ASTN2: variants seen among roughly 807,000 people sequenced by gnomAD.
The protein encoded by ASTN2 is astrotactin-2.
Under a neutral mutation model 139.8 loss-of-function variants are expected in ASTN2, and 54 were observed. The observed-to-expected ratio is 0.39, with a 90% CI of 0.31 to 0.48. The LOEUF (loss-of-function observed/expected upper bound fraction) is 0.48. ASTN2 is among the 20% of genes least tolerant of loss of function. ASTN2 has a pLI of 0.95. For synonymous variants in ASTN2, 756 were observed against 719.5 expected (o/e 1.05, Z -0.81); for missense variants, 1,565 against 1,725.1 (o/e 0.91, Z 1.64).
At chr9:116,478,103 G>C (rs1849047202) in intron 20 of ASTN2, among the ~76,000 whole-genome samples, 1 of 146,824 alleles carries the variant, frequency 6.8e-6, no homozygotes, top group Admixed American at 6.8e-5. Context: ...CAGGAAGAAA[G>C]AGAGGGAGGG....
intron 1 of ASTN2, among the ~76,000 whole-genome samples, chr9:117,364,524 T>C (rs909789002): frequency 1.3e-5 from 2 of 152,144 alleles, no homozygotes; most frequent in African/African-American, 4.8e-5. Context: ...TACTTAGTTT[T>C]CCAAAATGCA....
At chr9:116,856,930 G>A (rs1308232104) in intron 11 of ASTN2, among the ~76,000 whole-genome samples, 1 of 152,198 alleles carries the variant, frequency 6.6e-6, no homozygotes. Flanking sequence ...GACCCAGCGA[G>A]TATGCAAATC....
chr9:117,328,007 T>C (rs970101942), intron 1 of ASTN2, among the ~76,000 whole-genome samples: 1 of 152,150 alleles, frequency 6.6e-6, no homozygotes, highest in East Asian at 1.9e-4. Context: ...AGGACCGAGC[T>C]TGGGAAATTT....
intron 1 of ASTN2, 59 bp from the exon 2 acceptor site, chr9:117,291,572 G>A: frequency 6.7e-7 from 1 of 1,481,896 alleles, no homozygotes; most frequent in Non-Finnish European, 9.1e-7. Context: ...GTGCTCCAGG[G>A]AGGAAAAGAG....
intron 1 of ASTN2, among the ~76,000 whole-genome samples, chr9:117,299,408 A>G (rs1051148670): frequency 6.6e-6 from 1 of 152,204 alleles, no homozygotes; most frequent in Admixed American, 6.5e-5. Context: ...AGCAAAGTAG[A>G]AAGCTTAGAG....
chr9:116,472,180 C>T (rs1848833723), intron 20 of ASTN2, among the ~76,000 whole-genome samples: 1 of 152,184 alleles, frequency 6.6e-6, no homozygotes, highest in African/African-American at 2.4e-5. Flanking sequence ...CTTGCAAGTC[C>T]TGCCTCTCCA....
At chr9:117,308,213 AAATC>A (rs112764473) in intron 1 of ASTN2, among the ~76,000 whole-genome samples, 4,901 of 150,334 alleles carry the variant, frequency 0.033, 177 homozygotes, top group African/African-American at 0.089. Flanking sequence ...TGCTGGGGCA[AAATC>A]AATCAATCAA....
chr9:116,448,864 G>A (rs1164765772), intron 20 of ASTN2, among the ~76,000 whole-genome samples: 3 of 152,132 alleles, frequency 2.0e-5, no homozygotes, highest in African/African-American at 7.2e-5. Flanking sequence ...AATAGTGTTC[G>A]TGATGGATTT....
intron 16 of ASTN2, among the ~76,000 whole-genome samples, chr9:116,667,028 T>C (rs1202558202): frequency 2.8e-5 from 4 of 142,564 alleles, no homozygotes; most frequent in African/African-American, 1.0e-4. Context: ...TGATCTTGGC[T>C]CACTGCAACT....
chr9:117,011,326 C>T (rs977667090), intron 6 of ASTN2, among the ~76,000 whole-genome samples: 1 of 152,156 alleles, frequency 6.6e-6, no homozygotes, highest in East Asian at 1.9e-4. Context: ...GAGGTGATTA[C>T]ATGGGTGGAG....
intron 3 of ASTN2, among the ~76,000 whole-genome samples, chr9:117,168,234 C>A (rs373114662): frequency 2.0e-5 from 3 of 152,008 alleles, no homozygotes; most frequent in Non-Finnish European, 4.4e-5. Flanking sequence ...AGAGGAACTA[C>A]GAAGATATGG....
Position 116,699,630 on chromosome 9 carries a change from C to G in ASTN2, c.2806+26141G>C, listed in dbSNP as rs1472220331. 6 of 1,614,082 alleles carry G rather than the reference C, an allele frequency of 3.7e-6. No individual in the cohort carries two copies. The Admixed American group carries it at 8.3e-5, about 22-fold the overall frequency. ...CATAGCCCTAACTCCTAAGGGGCAGCTGCTGGTCTTGGACTGTTGGGATCA... is the reference window on the plus strand; with the variant it reads ...CATAGCCCTAACTCCTAAGGGGCAGGTGCTGGTCTTGGACTGTTGGGATCA... On this transcript the variant is annotated intron_variant, in intron 16 of 22. Transcript: ENST00000313400. This position sits in a 1 kb window ranked among gnomAD's most constrained non-coding sequence, Gnocchi z 4.2.
At chr9:116,951,520 G>A (rs751667942) in intron 10 of ASTN2, among the ~76,000 whole-genome samples, 1 of 152,028 alleles carries the variant, frequency 6.6e-6, no homozygotes, top group African/African-American at 2.4e-5. Flanking sequence ...ATAAAGGAGA[G>A]GGAAGGTATG....
intron 19 of ASTN2, chr9:116,585,952 A>C (rs577296520): frequency 2.0e-5 from 3 of 152,316 alleles, no homozygotes; most frequent in Admixed American, 2.0e-4. Context: ...CTTAATAAGC[A>C]AAAAACAAAT....
chr9:117,350,491 T>C (rs1430814122), intron 1 of ASTN2, among the ~76,000 whole-genome samples: 1 of 151,264 alleles, frequency 6.6e-6, no homozygotes, highest in Non-Finnish European at 1.5e-5. Flanking sequence ...GGGGTGGTGG[T>C]TGCAGTGAGC....
intron 13 of ASTN2, among the ~76,000 whole-genome samples, chr9:116,734,105 A>G (rs1399830498): frequency 1.3e-5 from 2 of 152,120 alleles, no homozygotes; most frequent in East Asian, 1.9e-4. Flanking sequence ...TTCCTTTTAC[A>G]GATGGGGAAA....
intron 19 of ASTN2, among the ~76,000 whole-genome samples, chr9:116,586,835 C>CACACACACACACACACAT (rs1554717125): frequency 1.3e-4 from 19 of 144,104 alleles, no homozygotes; most frequent in African/African-American, 4.5e-4. Context: ...CATACATACA[C>CACACACACACACACACAT]ACACACACAC....
intron 10 of ASTN2, among the ~76,000 whole-genome samples, chr9:116,971,485 A>T (rs1376283396): frequency 6.6e-6 from 1 of 152,174 alleles, no homozygotes; most frequent in East Asian, 1.9e-4. Context: ...AGGGCACTCT[A>T]TGTTTACCAC....
chr9:116,909,929 G>C (rs537372703), intron 10 of ASTN2, among the ~76,000 whole-genome samples: 1 of 152,282 alleles, frequency 6.6e-6, no homozygotes, highest in Non-Finnish European at 1.5e-5. Context: ...ATTCCTGGGA[G>C]ACAGGGGAAG....
Sources: allele counts gnomAD v4.1 joint callset (sites outside exome capture counted in the v4.1 genomes callset), GRCh38; gene constraint gnomAD v4.1.1; non-coding constraint Gnocchi (gnomAD v3.1); transcripts MANE v1.5; gene names NCBI Gene and HGNC (gene_info 2026-07-23, HGNC 2026-07-21).